STIM2: variants seen among roughly 807,000 people sequenced by gnomAD.
The protein encoded by STIM2 is stromal interaction molecule 2.
STIM2 carries 31 observed loss-of-function variants against 85.8 expected under a neutral mutation model. The observed-to-expected ratio is 0.36, with a 90% CI of 0.27 to 0.49. The LOEUF (loss-of-function observed/expected upper bound fraction) is 0.49, where lower values mean the gene tolerates loss of function less well. Among genes scored for constraint, STIM2 ranks in the 20% least tolerant of loss-of-function variants. The pLI is 0.98. For synonymous variants in STIM2, 356 were observed against 331.1 expected, an observed-to-expected ratio of 1.08 and a Z score of -0.82; for missense variants, 841 against 927.6, an observed-to-expected ratio of 0.91 and a Z score of 1.21.
chr4:26,936,401 C>T (rs188849884), intron 2 of STIM2, among the ~76,000 whole-genome samples: 1 of 152,178 alleles, frequency 6.6e-6, no homozygotes, highest in East Asian at 1.9e-4. Flanking sequence ...TCTGCTTGTC[C>T]CTCAAAGCAA....
chr4:27,003,768 C>T (rs186345291), intron 7 of STIM2, among the ~76,000 whole-genome samples: 2 of 152,152 alleles, frequency 1.3e-5, no homozygotes, highest in East Asian at 3.9e-4. Flanking sequence ...TTGAGGCGAG[C>T]CTGCAGGACT....
chr4:27,020,799 G>T (rs766239627), intron 11 of STIM2, among the ~76,000 whole-genome samples: 3 of 152,144 alleles, frequency 2.0e-5, no homozygotes, highest in Non-Finnish European at 4.4e-5. Context: ...TATGAGAGGT[G>T]CATTTGCCTA....
intron 1 of STIM2, among the ~76,000 whole-genome samples, chr4:26,884,140 G>A (rs1723123987): frequency 6.6e-6 from 1 of 152,204 alleles, no homozygotes; most frequent in Non-Finnish European, 1.5e-5. Flanking sequence ...GAGAGTTACA[G>A]GCAATCATCT....
At chr4:26,902,642 A>G (rs1463350289) in intron 1 of STIM2, among the ~76,000 whole-genome samples, 10 of 152,200 alleles carry the variant, frequency 6.6e-5, no homozygotes, top group African/African-American at 2.4e-5. Context: ...AGATCATTCA[A>G]AATCATTTCT....
chr4:26,994,821 C>G (rs1727897879), intron 3 of STIM2, among the ~76,000 whole-genome samples: 1 of 152,058 alleles, frequency 6.6e-6, no homozygotes. Flanking sequence ...TCTCAGATGT[C>G]AGCTCCTTAG....
At chr4:27,021,019 T>C in intron 11 of STIM2, 1 of 1,536,948 alleles carries the variant, frequency 6.5e-7, no homozygotes, top group Non-Finnish European at 8.7e-7. Context: ...TTGGGCTCGG[T>C]GCGTGCAAAA....
chr4:26,944,485 C>G (rs1396541857), intron 2 of STIM2, among the ~76,000 whole-genome samples: 1 of 152,012 alleles, frequency 6.6e-6, no homozygotes, highest in Non-Finnish European at 1.5e-5. Flanking sequence ...CACCATTGGT[C>G]CATAATAGAT....
At chr4:27,008,120 TGTA>T (rs1728432836) in intron 8 of STIM2, 1 of 655,148 alleles carries the variant, frequency 1.5e-6, no homozygotes, top group South Asian at 1.8e-5. Context: ...CTAGCACCAT[TGTA>T]GTATAATATA....
At chr4:26,974,828 G>A (rs1299080673) in intron 3 of STIM2, among the ~76,000 whole-genome samples, 1 of 152,206 alleles carries the variant, frequency 6.6e-6, no homozygotes. Flanking sequence ...ATACTGAAGA[G>A]TGTTTTCCAA....
chr4:26,978,135 G>C (rs1666518879), intron 3 of STIM2, among the ~76,000 whole-genome samples: 1 of 151,810 alleles, frequency 6.6e-6, no homozygotes, highest in African/African-American at 2.4e-5. Context: ...AAATATTGTT[G>C]ACTTTAAAAA....
At chr4:26,978,361 G>A (rs571580954) in intron 3 of STIM2, among the ~76,000 whole-genome samples, 69 of 149,864 alleles carry the variant, frequency 4.6e-4, no homozygotes, top group African/African-American at 1.6e-3. Flanking sequence ...AGAAATAATT[G>A]ATACAGGAGA....
intron 3 of STIM2, among the ~76,000 whole-genome samples, chr4:26,963,915 CT>C (rs1204047827): frequency 1.3e-5 from 2 of 152,104 alleles, no homozygotes; most frequent in African/African-American, 4.8e-5. Flanking sequence ...AAAATTTTGT[CT>C]TTTGCTCTTA....
At chr4:26,984,165 A>G (rs1727499438) in intron 3 of STIM2, among the ~76,000 whole-genome samples, 1 of 152,208 alleles carries the variant, frequency 6.6e-6, no homozygotes, top group Non-Finnish European at 1.5e-5. Context: ...GTCTTGGTTA[A>G]CAGAATCATT....
At chr4:26,957,228 C>G (rs1304945933) in intron 2 of STIM2, among the ~76,000 whole-genome samples, 2 of 152,140 alleles carry the variant, frequency 1.3e-5, no homozygotes, top group African/African-American at 4.8e-5. Flanking sequence ...ATTTTTAAAA[C>G]TCTGTACCTG....
At chr4:26,893,802 A>G (rs1377482972) in intron 1 of STIM2, among the ~76,000 whole-genome samples, 2 of 152,024 alleles carry the variant, frequency 1.3e-5, no homozygotes, top group Admixed American at 1.3e-4. Flanking sequence ...ATCATTTCAT[A>G]TTACTAGTTA....
At chr4:26,870,290 AAC>A (rs1430791579) in intron 1 of STIM2, among the ~76,000 whole-genome samples, 1 of 147,932 alleles carries the variant, frequency 6.8e-6, no homozygotes, top group Non-Finnish European at 1.5e-5. Context: ...AAAAGTTCTT[AAC>A]ACACCAAAAA....
intron 3 of STIM2, among the ~76,000 whole-genome samples, chr4:26,987,476 T>TC (rs565335840): frequency 7.1e-4 from 108 of 152,146 alleles, no homozygotes; most frequent in African/African-American, 2.6e-3. Context: ...GTCCCGCCCT[T>TC]CCCCATATTT....
intron 2 of STIM2, 72 bp downstream of exon 2, chr4:26,919,706 T>C: frequency 6.4e-7 from 1 of 1,557,784 alleles, no homozygotes; most frequent in Non-Finnish European, 8.7e-7. Flanking sequence ...TGGTCTTCAA[T>C]TTTCTCTTTC....
intron 3 of STIM2, among the ~76,000 whole-genome samples, chr4:26,992,266 CA>C (rs1156590690): frequency 6.6e-6 from 1 of 152,110 alleles, no homozygotes; most frequent in Non-Finnish European, 1.5e-5. Context: ...CAGCATCCAA[CA>C]AATAATTTGT....
Sources: allele counts gnomAD v4.1 joint callset (sites outside exome capture counted in the v4.1 genomes callset), GRCh38; gene constraint gnomAD v4.1.1; transcripts MANE v1.5; gene names NCBI Gene and HGNC (gene_info 2026-07-23, HGNC 2026-07-21).